Variants in HID1 observed in about 807,000 individuals in gnomAD.
The protein encoded by HID1 is HID1 domain containing.
Under a neutral mutation model 89.7 loss-of-function variants are expected in HID1, and 42 were observed. The ratio of observed to expected loss-of-function variants is 0.47; its 90% CI spans 0.37 to 0.61. The LOEUF (loss-of-function observed/expected upper bound fraction) is 0.61. Ranked by LOEUF, HID1 falls within the 20% of genes least tolerant of loss-of-function variation. The pLI, the probability that HID1 is intolerant of heterozygous loss-of-function variation, is 0.00. For missense variants in HID1, 854 were observed against 1,039.3 expected (o/e 0.82, Z 2.45); for synonymous variants, 442 against 433.8 (o/e 1.02, Z -0.24).
chr17:74,958,556 C>T lies in HID1; in HGVS notation c.1241-78G>A. On this transcript the variant is annotated intron_variant, in intron 10 of 18. Transcript: ENST00000425042. The surrounding 1 kb of genome is among the most constrained non-coding windows in gnomAD (Gnocchi z 5.2). ...CCCAGGCAGTGACCATTTTGGAGGC[C>T]TCCCTCCTAGGAGGTCAGAGTGCCA... 2.5e-6 allele frequency: 4 copies of T among 1,580,926 alleles called. No homozygotes were observed. Among genetic ancestry groups the T allele is most frequent in the Non-Finnish European group, 2.6e-6 (3 of 1,160,516 alleles).
chr17:74,953,334 G>T (rs1398446115), intron 15 of HID1, among the ~76,000 whole-genome samples: 1 of 152,158 alleles, frequency 6.6e-6, no homozygotes, highest in Non-Finnish European at 1.5e-5. Flanking sequence ...AAGGCCAAGG[G>T]CTTCACCGGA....
At chr17:74,960,322 G>A (rs751571320) in intron 6 of HID1, 74 bp from the exon 7 acceptor site, 21 of 1,315,502 alleles carry the variant, frequency 1.6e-5, no homozygotes, top group Non-Finnish European at 2.0e-5. Flanking sequence ...CTCTGGCCAC[G>A]TGGGAAGGTC....
In HID1 at chr17:74,964,479, T is replaced by A. The variant is rs747000559; in HGVS notation, c.216+4A>T. 6.2e-7 allele frequency: 1 copy of A among 1,608,386 alleles called. No homozygotes were observed. ...AGTAGCAGGAGGGACTGGGCAGCCC[T>A]CACCTTGTAGCACAGGGTGGCCAAG... On this transcript the variant is annotated splice_donor_region_variant and intron_variant, in intron 2 of 18. Coordinates refer to ENST00000425042, the MANE Select transcript of HID1 (RefSeq NM_030630.3).
chr17:74,963,131 A>G (rs557757809), intron 3 of HID1, 50 bp from the exon 4 acceptor site: 5 of 1,368,698 alleles, frequency 3.7e-6, no homozygotes, highest in African/African-American at 2.9e-5. Context: ...GGCCAGGAAG[A>G]GGTGGCCCAG....
chr17:74,960,951 C>T (rs1175209713), intron 6 of HID1, among the ~76,000 whole-genome samples: 1 of 151,770 alleles, frequency 6.6e-6, no homozygotes, highest in African/African-American at 2.4e-5. Context: ...CCCCCCACCC[C>T]GTGCTCACGT....
chr17:74,967,023 A>C (rs1306269647), intron 1 of HID1, among the ~76,000 whole-genome samples: 5 of 152,050 alleles, frequency 3.3e-5, no homozygotes, highest in Admixed American at 6.6e-5. Flanking sequence ...GATGGATCAC[A>C]AGGTCAGGAG....
At position 74,961,876 on chromosome 17, in the gene HID1, T is replaced by G; in HGVS notation, c.725A>C (p.Asn242Thr). ...AGAAAGGCCAAGGGCCCTTCACCTG[T>G]TCTCCGTGGAACAAAAGAACTGAAC... ...PWVQFFCSTE[N>T]RHALPLFTSL... Residue 242 changes from asparagine to threonine, a missense_variant, in exon 6 of 19, where the codon AAC becomes ACC. Coordinates refer to ENST00000425042, the MANE Select transcript of HID1 (RefSeq NM_030630.3). 1 of 1,565,030 alleles carries G rather than the reference T, an allele frequency of 6.4e-7. No individual in the cohort carries two copies. The highest frequency in any genetic ancestry group is 8.7e-7 in the Non-Finnish European group (1 of 1,153,882).
intron 1 of HID1, among the ~76,000 whole-genome samples, chr17:74,970,425 G>A (rs775073240): frequency 5.3e-5 from 8 of 152,178 alleles, no homozygotes; most frequent in Non-Finnish European, 1.0e-4. Flanking sequence ...ATATGCACCC[G>A]CCAGGTTCAT....
At chr17:74,965,053 T>A (rs1027810774) in intron 1 of HID1, among the ~76,000 whole-genome samples, 34 of 152,330 alleles carry the variant, frequency 2.2e-4, no homozygotes, top group Admixed American at 3.9e-4. Context: ...AGGTGACTTG[T>A]ACTCCGTTTC....
rs2039561274 is a variant in HID1 at position 74,966,247 on chromosome 17, G to A, written c.67-1615C>T. On this transcript the variant is annotated intron_variant, in intron 1 of 18. Transcript: ENST00000425042. ...CGCAGTGAGCCGAGATCGCGCCACT[G>A]CATTCCAGCCTGGGTGACAGAGCAA... 3.2e-5 allele frequency among the ~76,000 whole-genome samples: 4 copies of A among 126,002 alleles called. No homozygotes were observed. In the South Asian group the frequency reaches 1.0e-3, roughly 32 times the overall value. The allele number at this position is 126,002 out of a possible 152,430, so 82.7% of individuals were successfully genotyped here.
intron 2 of HID1, 66 bp downstream of exon 2, chr17:74,964,417 G>T: frequency 6.5e-7 from 1 of 1,530,528 alleles, no homozygotes. Context: ...CCCTGGATGC[G>T]CCTGCCTTCT....
In HID1 at chr17:74,962,162, C is replaced by T. The variant is rs2039491344; in HGVS notation, c.611+72G>A. 5 of 1,344,166 alleles carry T rather than the reference C, an allele frequency of 3.7e-6. No individual in the cohort carries two copies. The highest frequency in any genetic ancestry group is 5.2e-6 in the Non-Finnish European group (5 of 963,694). The allele number at this position is 1,344,166 out of a possible 1,614,324, so 83.3% of individuals were successfully genotyped here. A position where few individuals can be genotyped will look rare whatever the true frequency, so the allele number is the denominator to read the frequency against. ...CGGTCTTCTGGGAAGACCCCATGGG[C>T]TTTCTGAGCTGTGCGGGGGCCCGGC... is the stretch of plus-strand genomic sequence containing the variant. On this transcript the variant is annotated intron_variant, in intron 5 of 18. Coordinates refer to ENST00000425042, the MANE Select transcript of HID1 (RefSeq NM_030630.3). The surrounding 1 kb of genome is among the most constrained non-coding windows in gnomAD (Gnocchi z 4.3).
intron 1 of HID1, among the ~76,000 whole-genome samples, chr17:74,971,634 A>G (rs965694226): frequency 1.3e-5 from 2 of 152,168 alleles, no homozygotes; most frequent in Non-Finnish European, 2.9e-5. Context: ...AGATGGCAGC[A>G]GGTCCTGTGT....
chr17:74,952,258 G>A lies in HID1; in HGVS notation c.2144+11C>T, dbSNP rs994902476. On this transcript the variant is annotated intron_variant, in intron 17 of 18. Transcript: ENST00000425042. ...GCCCACAACCCCCGGCCCTGCCGGC[G>A]CCCGACTCACTTGTCAATGCAGATC... 4.3e-6 allele frequency: 7 copies of A among 1,609,346 alleles called. No individual in the cohort carries two copies. In the Admixed American group the frequency reaches 6.7e-5, roughly 15 times the overall value.
chr17:74,963,904 C>T lies in HID1; in HGVS notation c.223G>A (p.Glu75Lys). 1.2e-6 allele frequency: 2 copies of T among 1,613,852 alleles called. No homozygotes were observed. The highest frequency in any genetic ancestry group is 1.3e-5 in the African/African-American group (1 of 75,056). The change falls in exon 3 of 19, where the codon GAG (glutamate) becomes AAG (lysine). Residue 75 changes from glutamate to lysine, a missense_variant. Coordinates refer to ENST00000425042, the MANE Select transcript of HID1 (RefSeq NM_030630.3). The part of the protein sequence containing the change: ...NLATLCYKAV[E>K]KLVQGAESGC... ...CTCTCAGCTCCCTGCACCAGCTTCT[C>T]AACGGCCTGTGGGGGCAGGCAGGAG... is the stretch of plus-strand genomic sequence containing the variant.
At chr17:74,965,446 C>G (rs1196725799) in intron 1 of HID1, among the ~76,000 whole-genome samples, 1 of 152,240 alleles carries the variant, frequency 6.6e-6, no homozygotes, top group Non-Finnish European at 1.5e-5. Flanking sequence ...CACGTGCACA[C>G]AGACACACAT....
chr17:74,960,174 T>G lies in HID1; in HGVS notation c.803A>C (p.Tyr268Ser). 1 of 1,613,888 alleles carries G rather than the reference T, an allele frequency of 6.2e-7. No homozygotes were observed. Among genetic ancestry groups the G allele is most frequent in the Non-Finnish European group, 8.5e-7 (1 of 1,180,010 alleles). Residue 268 changes from tyrosine to serine, a missense_variant, in exon 7 of 19, where the codon TAC (tyrosine) becomes TCC (serine). By Grantham distance (144) the Tyr-to-Ser change is moderately radical (BLOSUM62 -2). Transcript: ENST00000425042. ...GTAGTCAGAGAAGAGCAGGTGGTTG[T>G]AGGGGATCCCGTAGCCCACAGGGTC... ...AYDPVGYGIP[Y>S]NHLLFSDYRE...
intron 1 of HID1, among the ~76,000 whole-genome samples, chr17:74,971,646 C>T (rs1343467192): frequency 6.6e-6 from 1 of 152,150 alleles, no homozygotes; most frequent in Admixed American, 6.5e-5. Context: ...GTCCTGTGTC[C>T]CCTGAAAATG....
In HID1 at chr17:74,960,068, A is replaced by G; in HGVS notation, c.909T>C (p.Thr303=). ...DHDSASSASP[T]VDGTTTGTAM... ...CGGTGCCAGTGGTGGTGCCGTCCAC[A>G]GTGGGGCTGGCACTGCTGGCACTGT... Residue 303 remains threonine, a synonymous_variant, in exon 7 of 19, where the codon ACT becomes ACC. Transcript: ENST00000425042. 1 of 1,613,838 alleles carries G rather than the reference A, an allele frequency of 6.2e-7. No homozygotes were observed. The highest frequency in any genetic ancestry group is 8.5e-7 in the Non-Finnish European group (1 of 1,180,008).
Sources: gnomAD v4.1 joint callset for allele counts (sites outside exome capture counted in the v4.1 genomes callset) on GRCh38, gnomAD v4.1.1 for gene constraint, Gnocchi (gnomAD v3.1) non-coding constraint, MANE v1.5 for transcripts, NCBI Gene and HGNC (gene_info 2026-07-23, HGNC 2026-07-21) for gene names.